EPB41L2: variants seen among roughly 807,000 people sequenced by gnomAD.
EPB41L2 encodes erythrocyte membrane protein band 4.1 like 2.
A neutral mutation model predicts 113.0 loss-of-function variants in EPB41L2; 43 were observed. The ratio of observed to expected loss-of-function variants is 0.38; its 90% CI spans 0.30 to 0.49. The LOEUF is 0.49. EPB41L2 is among the 20% of genes least tolerant of loss of function. The probability of loss-of-function intolerance (pLI) is 0.95; values close to 1 mark genes in which losing one functional copy is unlikely to be tolerated. For synonymous variants in EPB41L2, 442 were observed against 436.7 expected (o/e 1.01, Z -0.15); for missense variants, 1,147 against 1,223.4 (o/e 0.94, Z 0.93).
At chr6:130,940,567 G>C (rs993031026) in intron 3 of EPB41L2, among the ~76,000 whole-genome samples, 1 of 151,664 alleles carries the variant, frequency 6.6e-6, no homozygotes, top group East Asian at 1.9e-4. Flanking sequence ...CTGGGTTCAA[G>C]CAATTCTTGT....
intron 1 of EPB41L2, among the ~76,000 whole-genome samples, chr6:130,980,444 G>T (rs1427413249): frequency 6.6e-6 from 1 of 151,910 alleles, no homozygotes; most frequent in Non-Finnish European, 1.5e-5. Context: ...AAACCACAGA[G>T]AAGAGTTTAA....
intron 13 of EPB41L2, 118 bp from the exon 14 acceptor site, chr6:130,878,368 T>G (rs1788229351): frequency 1.6e-6 from 2 of 1,212,810 alleles, no homozygotes; most frequent in South Asian, 3.2e-5. Flanking sequence ...AAAACCATAG[T>G]AAAGCAAGAA....
chr6:131,026,203 T>C lies in EPB41L2; in HGVS notation c.-15+36952A>G, dbSNP rs538130574. Among the ~76,000 whole-genome samples, 32 of 152,326 alleles carry C rather than the reference T, an allele frequency of 2.1e-4. 1 individual carries two copies. Among genetic ancestry groups the C allele is most frequent in the African/African-American group, 7.0e-4 (29 of 41,578 alleles). ...AGCTGTATGAACAAGAGGAAGCACC[T>C]AGCCCAGGAACAAACAGATAACAGA... On this transcript the variant is annotated intron_variant, in intron 1 of 19. Transcript: ENST00000337057.
At chr6:130,862,400 ATGAGTGCTTAT>A (rs1184654011) in intron 18 of EPB41L2, among the ~76,000 whole-genome samples, 1 of 152,186 alleles carries the variant, frequency 6.6e-6, no homozygotes, top group African/African-American at 2.4e-5. Flanking sequence ...TAGGAATTCA[ATGAGTGCTTAT>A]TGAGAAGAGT....
At chr6:130,983,845 A>G (rs1779924237) in intron 1 of EPB41L2, among the ~76,000 whole-genome samples, 1 of 152,084 alleles carries the variant, frequency 6.6e-6, no homozygotes, top group Non-Finnish European at 1.5e-5. Context: ...CAGATTTTAT[A>G]AACACTGTAC....
chr6:131,014,969 A>G (rs887860388), intron 1 of EPB41L2, among the ~76,000 whole-genome samples: 1 of 152,220 alleles, frequency 6.6e-6, no homozygotes, highest in African/African-American at 2.4e-5. Context: ...CTGGTAGGTA[A>G]AGAGACCTGC....
intron 1 of EPB41L2, among the ~76,000 whole-genome samples, chr6:131,046,954 G>A (rs1465273739): frequency 6.6e-6 from 1 of 152,094 alleles, no homozygotes; most frequent in Non-Finnish European, 1.5e-5. Flanking sequence ...GGGGTTTGAC[G>A]TCGTTTACAT....
intron 1 of EPB41L2, among the ~76,000 whole-genome samples, chr6:130,995,684 G>A (rs759800127): frequency 3.0e-4 from 45 of 152,222 alleles, no homozygotes; most frequent in Non-Finnish European, 5.9e-4. Context: ...GTATATATCT[G>A]AACCAAAATG....
At position 130,926,585 on chromosome 6, in the gene EPB41L2, A is replaced by G. The variant is rs376683631; in HGVS notation, c.810+20T>C. On this transcript the variant is annotated intron_variant, in intron 4 of 19. Coordinates refer to ENST00000337057, the MANE Select transcript of EPB41L2 (RefSeq NM_001431.4). ...TACAATATGTTCTAAAAAGATAAAA[A>G]TAAACTTGAAATCACTTACTTTCTG... 5.6e-5 allele frequency: 84 copies of G among 1,508,992 alleles called. No individual in the cohort carries two copies. In the African/African-American group the frequency reaches 1.2e-3, roughly 21 times the overall value. 93.5% of individuals were successfully genotyped at this position (1,508,992 alleles called of 1,614,324 possible).
At chr6:130,916,623 C>T (rs145305596) in intron 4 of EPB41L2, among the ~76,000 whole-genome samples, 25 of 152,258 alleles carry the variant, frequency 1.6e-4, no homozygotes, top group African/African-American at 5.5e-4. Flanking sequence ...CCCCTCCTCC[C>T]GTGGCTTTCA....
intron 1 of EPB41L2, among the ~76,000 whole-genome samples, chr6:130,969,745 G>C (rs1036734307): frequency 6.6e-6 from 1 of 152,046 alleles, no homozygotes; most frequent in Non-Finnish European, 1.5e-5. Flanking sequence ...CACTTTATAA[G>C]TAAATTGAAA....
At chr6:130,907,505 G>C (rs562385224) in intron 5 of EPB41L2, among the ~76,000 whole-genome samples, 1 of 152,264 alleles carries the variant, frequency 6.6e-6, no homozygotes, top group Non-Finnish European at 1.5e-5. Context: ...CCTGGGACTG[G>C]TTCCAGCTTT....
At chr6:131,004,973 T>C (rs1249359508) in intron 1 of EPB41L2, among the ~76,000 whole-genome samples, 1 of 152,238 alleles carries the variant, frequency 6.6e-6, no homozygotes, top group Non-Finnish European at 1.5e-5. Flanking sequence ...AAGATTTTAC[T>C]ATTCATAACA....
chr6:130,885,396 A>G (rs1790619468), intron 11 of EPB41L2, 128 bp from the exon 12 acceptor site: 1 of 793,008 alleles, frequency 1.3e-6, no homozygotes, highest in African/African-American at 1.7e-5. Context: ...ACATTGCTTG[A>G]GCTCTGAAAA....
rs993730094 is a variant in EPB41L2, at chr6:130,840,049, T to C, written c.*555A>G. 1 of 152,248 alleles carries C rather than the reference T, an allele frequency of 6.6e-6. No homozygotes were observed. Among genetic ancestry groups the C allele is most frequent in the African/African-American group, 2.4e-5 (1 of 41,462 alleles). The allele number at this position is 152,248 out of a possible 1,614,324, so 9.4% of individuals were successfully genotyped here. A position where few individuals can be genotyped will look rare whatever the true frequency, so the allele number is the denominator to read the frequency against. On this transcript the variant is annotated 3_prime_UTR_variant, in exon 20 of 20. Transcript: ENST00000337057. Reference sequence around the variant, plus strand: ...CTCAAATATTAGAAAATTTTCAAGATGTAAGAAAGGCTTTTAATCTGTATT... The same window carrying C: ...CTCAAATATTAGAAAATTTTCAAGACGTAAGAAAGGCTTTTAATCTGTATT...
intron 1 of EPB41L2, chr6:131,015,687 ACT>A (rs749840690): frequency 6.6e-6 from 1 of 152,246 alleles, no homozygotes; most frequent in Non-Finnish European, 1.5e-5. Context: ...AGAATTGGTC[ACT>A]GATTTCTGTT....
At position 130,956,398 on chromosome 6, in the gene EPB41L2, C is replaced by T. The variant is rs1201954745; in HGVS notation, c.88G>A (p.Val30Ile). 1.2e-6 allele frequency: 2 copies of T among 1,614,166 alleles called. No individual in the cohort carries two copies. The highest frequency in any genetic ancestry group is 1.7e-6 in the Non-Finnish European group (2 of 1,180,034). The change falls in exon 2 of 20, where the codon GTA (valine) becomes ATA (isoleucine). Residue 30 changes from valine (V) to isoleucine (I), a missense_variant. Val to Ile is a conservative substitution (Grantham distance 29). Transcript: ENST00000337057. ...TDATKEKPKE[V>I]AENQQNQSSD... ...GACTGATTCTGCTGATTTTCTGCTA[C>T]TTCTTTAGGTTTTTCCTTGGTTGCA...
intron 1 of EPB41L2, among the ~76,000 whole-genome samples, chr6:131,030,213 T>C (rs1562766895): frequency 6.6e-6 from 1 of 152,202 alleles, no homozygotes; most frequent in East Asian, 1.9e-4. Flanking sequence ...GACCAATGGA[T>C]AGAGGAACCT....
chr6:130,990,723 C>A (rs1488676205), intron 1 of EPB41L2, among the ~76,000 whole-genome samples: 2 of 151,650 alleles, frequency 1.3e-5, no homozygotes, highest in Non-Finnish European at 2.9e-5. Context: ...AAAGTCTAGA[C>A]AAAGATCTCA....
Sources: gnomAD v4.1 joint callset for allele counts (sites outside exome capture counted in the v4.1 genomes callset) on GRCh38, gnomAD v4.1.1 for gene constraint, MANE v1.5 for transcripts, NCBI Gene and HGNC (gene_info 2026-07-23, HGNC 2026-07-21) for gene names.